Variants in DGKG observed in about 807,000 individuals in gnomAD.
The protein encoded by DGKG is DAG kinase gamma.
A neutral mutation model predicts 105.3 loss-of-function variants in DGKG; 78 were observed. The ratio of observed to expected loss-of-function variants is 0.74; its 90% CI spans 0.62 to 0.89. The LOEUF (loss-of-function observed/expected upper bound fraction) is 0.89, where lower values mean the gene tolerates loss of function less well. DGKG is among the 40% of genes least tolerant of loss of function. The pLI, the probability that DGKG is intolerant of heterozygous loss-of-function variation, is 0.00. For missense variants in DGKG, 958 were observed against 1,020.1 expected, an observed-to-expected ratio of 0.94 and a Z score of 0.83; for synonymous variants, 346 against 367.1, an observed-to-expected ratio of 0.94 and a Z score of 0.66.
intron 1 of DGKG, among the ~76,000 whole-genome samples, chr3:186,349,209 T>C (rs1408627692): frequency 6.6e-6 from 1 of 152,204 alleles, no homozygotes; most frequent in Non-Finnish European, 1.5e-5. Flanking sequence ...ATTTTTATTA[T>C]AACATCTTCT....
At chr3:186,307,121 C>G in intron 2 of DGKG, 144 bp from the exon 3 acceptor site, 1 of 631,056 alleles carries the variant, frequency 1.6e-6, no homozygotes, top group South Asian at 1.9e-5. Context: ...CTCTTCTACC[C>G]TTTGTCCTCT....
chr3:186,308,072 C>G (rs976218329), intron 2 of DGKG, among the ~76,000 whole-genome samples: 2 of 152,078 alleles, frequency 1.3e-5, no homozygotes, highest in Non-Finnish European at 2.9e-5. Flanking sequence ...CTCCACCCCC[C>G]GCCATGATTT....
intron 1 of DGKG, among the ~76,000 whole-genome samples, chr3:186,324,885 A>G (rs902751598): frequency 6.6e-6 from 1 of 152,206 alleles, no homozygotes; most frequent in Non-Finnish European, 1.5e-5. Flanking sequence ...AGACACGTGC[A>G]CTCATATGTT....
intron 22 of DGKG, among the ~76,000 whole-genome samples, chr3:186,173,374 A>G (rs1379110690): frequency 6.6e-6 from 1 of 152,260 alleles, no homozygotes; most frequent in African/African-American, 2.4e-5. Context: ...TGCTACTGAG[A>G]AGCTGACAAG....
At position 186,310,265 on chromosome 3, in the gene DGKG, C is replaced by CAAAAAAAAAAAAAAA. The variant is rs1165723037; in HGVS notation, c.68-3303_68-3289dup. ...CTGGCAACAAAGCAAGACTCCGTCTCAAAAAAAAAAAAAAAAAAAAAAAAC... is the reference window on the plus strand; with the variant it reads ...CTGGCAACAAAGCAAGACTCCGTCTCAAAAAAAAAAAAAAAAAAAAAAAAAAAAAAAAAAAAAAAC... On this transcript the variant is annotated intron_variant, in intron 2 of 24. Coordinates refer to ENST00000265022, the MANE Select transcript of DGKG (RefSeq NM_001346.3). Among the ~76,000 whole-genome samples the CAAAAAAAAAAAAAAA allele has an allele frequency of 2.7e-3, 89 of 33,288 alleles. 13 individuals carry two copies. Among genetic ancestry groups the CAAAAAAAAAAAAAAA allele is most frequent in the African/African-American group, 7.3e-3 (81 of 11,094 alleles). The allele number at this position is 33,288 out of a possible 152,430, so 21.8% of individuals were successfully genotyped here.
intron 5 of DGKG, among the ~76,000 whole-genome samples, 197 bp from the exon 6 acceptor site, chr3:186,289,077 C>T (rs1723198402): frequency 6.6e-6 from 1 of 152,084 alleles, no homozygotes; most frequent in South Asian, 2.1e-4. Flanking sequence ...TGAAGGGATC[C>T]CATGCTGACC....
At position 186,209,753 on chromosome 3, in the gene DGKG, G is replaced by A. The variant is rs117450648; in HGVS notation, c.1917+2042C>T. Among the ~76,000 whole-genome samples the A allele has an allele frequency of 3.6e-4, 54 of 151,850 alleles. 2 individuals are homozygous for A. In the East Asian group the frequency reaches 9.1e-3, roughly 26 times the overall value. Reference sequence around the variant, plus strand: ...CTTACACCTGTTACCCCCATGCCTCGCCCTGTCCGTCTCTCTTAGTCCCCC... The same window carrying A: ...CTTACACCTGTTACCCCCATGCCTCACCCTGTCCGTCTCTCTTAGTCCCCC... On this transcript the variant is annotated intron_variant, in intron 21 of 24. Transcript: ENST00000265022.
At chr3:186,171,521 C>G (rs1429013940) in intron 22 of DGKG, among the ~76,000 whole-genome samples, 3 of 152,148 alleles carry the variant, frequency 2.0e-5, no homozygotes, top group Non-Finnish European at 1.5e-5. Context: ...TCATCTCTAG[C>G]TTACTTATAA....
At chr3:186,197,259 C>T (rs548192082) in intron 21 of DGKG, among the ~76,000 whole-genome samples, 1 of 152,112 alleles carries the variant, frequency 6.6e-6, no homozygotes, top group African/African-American at 2.4e-5. Context: ...AAGAGGCGGA[C>T]AATATCCTGA....
In DGKG at chr3:186,200,504, A is replaced by G. The variant is rs566795787; in HGVS notation, c.1917+11291T>C. Reference sequence around the variant, plus strand: ...TCCTATCTTTGGAGTATTCAGGAGGAGGCTGGGTGCCCACTTATCAGAATG... The same window carrying G: ...TCCTATCTTTGGAGTATTCAGGAGGGGGCTGGGTGCCCACTTATCAGAATG... On this transcript the variant is annotated intron_variant, in intron 21 of 24. Coordinates refer to ENST00000265022, the MANE Select transcript of DGKG (RefSeq NM_001346.3). Among the ~76,000 whole-genome samples the G allele has an allele frequency of 4.6e-5, 7 of 152,292 alleles. No homozygotes were observed. The South Asian group carries it at 1.5e-3, about 32-fold the overall frequency.
At chr3:186,191,734 T>C (rs1363516972) in intron 21 of DGKG, among the ~76,000 whole-genome samples, 1 of 152,258 alleles carries the variant, frequency 6.6e-6, no homozygotes, top group South Asian at 2.1e-4. Flanking sequence ...CAGGTCTGAA[T>C]TGCTTTTGTG....
intron 2 of DGKG, among the ~76,000 whole-genome samples, chr3:186,307,185 A>G (rs1207237115): frequency 1.3e-5 from 2 of 152,192 alleles, no homozygotes; most frequent in Non-Finnish European, 2.9e-5. Flanking sequence ...TCTTTCTGAA[A>G]CACAAATCTG....
At chr3:186,296,229 C>A (rs1381783188) in intron 5 of DGKG, among the ~76,000 whole-genome samples, 1 of 152,144 alleles carries the variant, frequency 6.6e-6, no homozygotes, top group East Asian at 1.9e-4. Flanking sequence ...GTTAACATAT[C>A]TAACTCACTT....
chr3:186,297,351 T>C, intron 5 of DGKG, 70 bp downstream of exon 5: 5 of 1,215,392 alleles, frequency 4.1e-6, no homozygotes, highest in Non-Finnish European at 6.1e-6. Context: ...GTTGGTTAGG[T>C]TTCCCCACTT....
intron 20 of DGKG, among the ~76,000 whole-genome samples, chr3:186,215,412 C>CA (rs71632094): frequency 0.32 from 23,308 of 73,202 alleles, 3,019 homozygotes; most frequent in Non-Finnish European, 0.4. Flanking sequence ...CCCCCATCTC[C>CA]AAAAAAAAAA....
chr3:186,182,447 G>T (rs1178382044), intron 22 of DGKG, among the ~76,000 whole-genome samples: 1 of 152,176 alleles, frequency 6.6e-6, no homozygotes, highest in African/African-American at 2.4e-5. Context: ...TTTCCATCTT[G>T]TAAGTGTTGA....
intron 2 of DGKG, among the ~76,000 whole-genome samples, chr3:186,313,019 A>G (rs1359826852): frequency 2.0e-5 from 3 of 152,238 alleles, no homozygotes; most frequent in Non-Finnish European, 4.4e-5. Flanking sequence ...TGAATAAATG[A>G]AGGCTAGCAA....
chr3:186,236,002 TC>T (rs1490642659), intron 20 of DGKG, among the ~76,000 whole-genome samples: 1 of 152,200 alleles, frequency 6.6e-6, no homozygotes, highest in African/African-American at 2.4e-5. Flanking sequence ...TATGACCCCC[TC>T]CCTTGATCCT....
intron 16 of DGKG, among the ~76,000 whole-genome samples, chr3:186,259,123 G>A (rs984799254): frequency 6.6e-6 from 1 of 152,086 alleles, no homozygotes; most frequent in Non-Finnish European, 1.5e-5. Context: ...CCGACGGGAA[G>A]TGAATTCTGA....
Sources: allele counts gnomAD v4.1 joint callset (sites outside exome capture counted in the v4.1 genomes callset), GRCh38; gene constraint gnomAD v4.1.1; transcripts MANE v1.5; gene names NCBI Gene and HGNC (gene_info 2026-07-23, HGNC 2026-07-21).